Variants in GRIN3A observed in about 807,000 individuals in gnomAD.
GRIN3A encodes glutamate ionotropic receptor NMDA type subunit 3A.
Under a neutral mutation model 92.4 loss-of-function variants are expected in GRIN3A, and 47 were observed. The ratio of observed to expected loss-of-function variants is 0.51; its 90% CI spans 0.40 to 0.65. The LOEUF is 0.65. GRIN3A is among the 30% of genes least tolerant of loss of function. The pLI is 0.00. For missense variants in GRIN3A, 1,324 were observed against 1,393.1 expected (o/e 0.95, Z 0.79); for synonymous variants, 527 against 540.6 (o/e 0.97, Z 0.35).
chr9:101,738,043 T>A lies in GRIN3A; in HGVS notation c.-64A>T. Reference sequence around the variant, plus strand: ...GCCCGGCTCGCCCCTCTGCAGCCGCTGCCTGAGGTCTCCGCCTCCAGGTCC... The same window carrying A: ...GCCCGGCTCGCCCCTCTGCAGCCGCAGCCTGAGGTCTCCGCCTCCAGGTCC... On this transcript the variant is annotated 5_prime_UTR_variant, in exon 1 of 9. Coordinates refer to ENST00000361820, the MANE Select transcript of GRIN3A (RefSeq NM_133445.3). 4 of 1,370,102 alleles carry A rather than the reference T, an allele frequency of 2.9e-6. No homozygotes were observed. Among genetic ancestry groups the A allele is most frequent in the Non-Finnish European group, 4.0e-6 (4 of 997,618 alleles). 84.9% of individuals were successfully genotyped at this position (1,370,102 alleles called of 1,614,324 possible).
intron 1 of GRIN3A, among the ~76,000 whole-genome samples, chr9:101,723,336 C>T (rs569382635): frequency 6.6e-6 from 1 of 151,924 alleles, no homozygotes; most frequent in Non-Finnish European, 1.5e-5. Context: ...TGTTACAGCT[C>T]TTAAGGCAGC....
intron 6 of GRIN3A, among the ~76,000 whole-genome samples, 158 bp from the exon 7 acceptor site, chr9:101,579,518 T>A (rs1160027076): frequency 6.6e-6 from 1 of 152,146 alleles, no homozygotes; most frequent in Non-Finnish European, 1.5e-5. Flanking sequence ...TCATTATACA[T>A]CATGAAAGAA....
chr9:101,719,587 C>T (rs1829987058), intron 1 of GRIN3A, among the ~76,000 whole-genome samples: 1 of 152,040 alleles, frequency 6.6e-6, no homozygotes, highest in Non-Finnish European at 1.5e-5. Flanking sequence ...AGTTACTTCC[C>T]CCTCTCATTC....
intron 3 of GRIN3A, among the ~76,000 whole-genome samples, chr9:101,661,649 T>C (rs1829173351): frequency 6.6e-6 from 1 of 151,876 alleles, no homozygotes; most frequent in East Asian, 1.9e-4. Context: ...AAGTTTTTGC[T>C]ATTTTAAGTA....
intron 1 of GRIN3A, among the ~76,000 whole-genome samples, chr9:101,724,545 A>C (rs1394011403): frequency 6.6e-6 from 1 of 152,094 alleles, no homozygotes; most frequent in African/African-American, 2.4e-5. Context: ...CCAGCCCAGA[A>C]AGGGGCTCCC....
intron 2 of GRIN3A, among the ~76,000 whole-genome samples, chr9:101,680,306 T>C (rs1829452015): frequency 6.6e-6 from 1 of 152,244 alleles, no homozygotes; most frequent in South Asian, 2.1e-4. Flanking sequence ...ATTTATATGT[T>C]GGGTTTTTTG....
rs151178187 is a variant in GRIN3A, at chr9:101,670,450, G to A, written c.1962C>T (p.Gly654=). Reference sequence around the variant, plus strand: ...CTGTATCTCGGGTCCTCACTAAGATGCCCAAGCTGGTGGAGAAGAAAGGGC... The same window carrying A: ...CTGTATCTCGGGTCCTCACTAAGATACCCAAGCTGGTGGAGAAGAAAGGGC... ...FTSPFFSTSL[G]ILVRTRDTAA... is the part of the protein sequence containing the mutation. Residue 654 remains glycine, a synonymous_variant, in exon 3 of 9, where the codon GGC becomes GGT. Coordinates refer to ENST00000361820, the MANE Select transcript of GRIN3A (RefSeq NM_133445.3). 3.7e-6 allele frequency: 6 copies of A among 1,613,864 alleles called. No individual in the cohort carries two copies. In the African/African-American group the frequency reaches 6.7e-5, roughly 18 times the overall value.
Position 101,613,064 on chromosome 9 carries a change from T to A in GRIN3A, c.2766+312A>T, listed in dbSNP as rs1588248132. 3.9e-5 allele frequency among the ~76,000 whole-genome samples: 6 copies of A among 152,218 alleles called. No homozygotes were observed. In the South Asian group the frequency reaches 1.2e-3, roughly 32 times the overall value. On this transcript the variant is annotated intron_variant, in intron 6 of 8. Coordinates refer to ENST00000361820, the MANE Select transcript of GRIN3A (RefSeq NM_133445.3). The stretch of plus-strand genomic sequence containing the variant: ...TTAAATCAAACACTGTTCATGTCAA[T>A]CTCAGATACTATTGCTGTAATTCAG...
chr9:101,678,318 T>G (rs555625182), intron 2 of GRIN3A, among the ~76,000 whole-genome samples: 2 of 152,152 alleles, frequency 1.3e-5, no homozygotes. Flanking sequence ...CAATACATTT[T>G]CCTCCTGAAT....
At chr9:101,718,434 A>G (rs532631380) in intron 1 of GRIN3A, among the ~76,000 whole-genome samples, 1 of 152,342 alleles carries the variant, frequency 6.6e-6, no homozygotes, top group Non-Finnish European at 1.5e-5. Context: ...TATGCTTGGA[A>G]TAGTATTCCA....
intron 3 of GRIN3A, among the ~76,000 whole-genome samples, chr9:101,654,642 T>C (rs1829060692): frequency 6.6e-6 from 1 of 151,708 alleles, no homozygotes; most frequent in Non-Finnish European, 1.5e-5. Flanking sequence ...TTTATCTGCC[T>C]ATTAAGAGAG....
chr9:101,597,191 C>A (rs905901488), intron 6 of GRIN3A, among the ~76,000 whole-genome samples: 1 of 152,300 alleles, frequency 6.6e-6, no homozygotes, highest in East Asian at 1.9e-4. Context: ...TAGTTAGATG[C>A]CCATAAATCC....
intron 6 of GRIN3A, among the ~76,000 whole-genome samples, chr9:101,612,598 G>T (rs1363470423): frequency 2.0e-5 from 3 of 149,076 alleles, no homozygotes; most frequent in South Asian, 2.1e-4. Context: ...AGGTGGGTTT[G>T]TTTTTTTTTT....
intron 1 of GRIN3A, among the ~76,000 whole-genome samples, chr9:101,719,871 T>G (rs2119026346): frequency 6.6e-6 from 1 of 152,350 alleles, no homozygotes; most frequent in Middle Eastern, 3.4e-3. Flanking sequence ...GCTTTAATAC[T>G]TGACTTCCCA....
intron 1 of GRIN3A, among the ~76,000 whole-genome samples, chr9:101,693,600 A>T (rs773251648): frequency 1.3e-5 from 2 of 152,158 alleles, no homozygotes; most frequent in Non-Finnish European, 2.9e-5. Context: ...AGGCCCATGG[A>T]ATAAAGCCAC....
rs148956979 is a variant in GRIN3A, at chr9:101,726,299, T to C, written c.699+10982A>G. ...AGTCCTATCATAAGAACCACATCCA[T>C]GGAGAAGCTATGGCAAGGCAGAAGA... On this transcript the variant is annotated intron_variant, in intron 1 of 8. Coordinates refer to ENST00000361820, the MANE Select transcript of GRIN3A (RefSeq NM_133445.3). 6.9e-4 allele frequency among the ~76,000 whole-genome samples: 105 copies of C among 152,234 alleles called. No homozygotes were observed. In the East Asian group the frequency reaches 0.017, roughly 24 times the overall value.
At chr9:101,649,199 A>C (rs1828978472) in intron 3 of GRIN3A, among the ~76,000 whole-genome samples, 1 of 151,988 alleles carries the variant, frequency 6.6e-6, no homozygotes, top group African/African-American at 2.4e-5. Context: ...TTGCCTTATA[A>C]TTGTTTCCAG....
intron 3 of GRIN3A, among the ~76,000 whole-genome samples, chr9:101,633,158 G>C (rs1427423081): frequency 6.6e-6 from 1 of 152,164 alleles, no homozygotes; most frequent in Non-Finnish European, 1.5e-5. Flanking sequence ...ATCCAAGGTA[G>C]ATGTAATGTT....
chr9:101,689,641 A>G (rs991544622), intron 1 of GRIN3A, among the ~76,000 whole-genome samples: 1 of 152,148 alleles, frequency 6.6e-6, no homozygotes, highest in African/African-American at 2.4e-5. Flanking sequence ...CTAATGAGAT[A>G]TTATTGATTT....
Sources: gnomAD v4.1 joint callset for allele counts (sites outside exome capture counted in the v4.1 genomes callset) on GRCh38, gnomAD v4.1.1 for gene constraint, MANE v1.5 for transcripts, NCBI Gene and HGNC (gene_info 2026-07-23, HGNC 2026-07-21) for gene names.